The following TMEM178A variants were observed in gnomAD, a reference collection of about 807,000 sequenced individuals.
TMEM178A encodes transmembrane protein 178A.
TMEM178A carries 12 observed loss-of-function variants against 29.1 expected under a neutral mutation model. The ratio of observed to expected loss-of-function variants is 0.41; its 90% CI spans 0.26 to 0.67. The LOEUF is 0.67. TMEM178A is among the 30% of genes least tolerant of loss of function. TMEM178A has a pLI of 0.29. For missense variants in TMEM178A, 366 were observed against 419.1 expected (o/e 0.87, Z 1.11); for synonymous variants, 210 against 187.2 (o/e 1.12, Z -0.99).
At chr2:39,686,696 G>C (rs1364972894) in intron 1 of TMEM178A, among the ~76,000 whole-genome samples, 1 of 151,056 alleles carries the variant, frequency 6.6e-6, no homozygotes, top group Non-Finnish European at 1.5e-5. Flanking sequence ...ATGGGGGGGC[G>C]GAGCTGTAAA....
the TMEM178A span, among the ~76,000 whole-genome samples, chr2:39,734,934 C>T: frequency 2.0e-5 from 3 of 152,174 alleles, no homozygotes; most frequent in East Asian, 1.9e-4. Context: ...CCTACCAACA[C>T]GACTGTTACC....
chr2:39,723,224 G>T, the TMEM178A span, among the ~76,000 whole-genome samples: 2 of 152,152 alleles, frequency 1.3e-5, no homozygotes, highest in African/African-American at 4.8e-5. Flanking sequence ...CTCAGCTGTG[G>T]CTTCAGTGGG....
intron 1 of TMEM178A, among the ~76,000 whole-genome samples, chr2:39,667,889 C>A (rs780869774): frequency 6.6e-6 from 1 of 152,204 alleles, no homozygotes; most frequent in Non-Finnish European, 1.5e-5. Context: ...CATGAACAAA[C>A]TGTAAAAGCT....
chr2:39,702,063 A>G lies in TMEM178A; in HGVS notation c.401-2018A>G, dbSNP rs188243764. 3.8e-3 allele frequency among the ~76,000 whole-genome samples: 571 copies of G among 151,180 alleles called. 2 individuals are homozygous for G. The highest frequency in any genetic ancestry group is 0.013 in the African/African-American group (521 of 41,196). The stretch of plus-strand genomic sequence containing the variant: ...TTGGGATCCCTCAGTGACAGCTTCT[A>G]TTGACTGCTTTTTTTTTTCTTTTAC... On this transcript the variant is annotated intron_variant, in intron 1 of 3. Transcript: ENST00000281961.
chr2:39,667,648 G>T (rs373409523), intron 1 of TMEM178A, among the ~76,000 whole-genome samples: 12 of 152,280 alleles, frequency 7.9e-5, no homozygotes, highest in Middle Eastern at 3.4e-3. Flanking sequence ...GCTAGTTGGC[G>T]GATTCTTCAT....
chr2:39,706,155 C>G (rs1287947217), intron 2 of TMEM178A, among the ~76,000 whole-genome samples: 1 of 152,164 alleles, frequency 6.6e-6, no homozygotes, highest in East Asian at 1.9e-4. Flanking sequence ...AGTCAGCCTA[C>G]CTCTTGGTTT....
chr2:39,711,810 A>T (rs1213714890), intron 3 of TMEM178A, among the ~76,000 whole-genome samples: 2 of 152,168 alleles, frequency 1.3e-5, no homozygotes, highest in Non-Finnish European at 2.9e-5. Flanking sequence ...TTAGAAGAGT[A>T]ACACGGTGCA....
intron 1 of TMEM178A, among the ~76,000 whole-genome samples, chr2:39,669,392 C>G (rs1009888173): frequency 6.6e-6 from 1 of 152,170 alleles, no homozygotes; most frequent in Admixed American, 6.5e-5. Flanking sequence ...GGGATAGAAA[C>G]ATGCAATGTG....
chr2:39,686,767 C>A (rs1475806136), intron 1 of TMEM178A, among the ~76,000 whole-genome samples: 2 of 152,262 alleles, frequency 1.3e-5, no homozygotes, highest in African/African-American at 4.8e-5. Flanking sequence ...TAAACTCCTC[C>A]TATCCACTGA....
At chr2:39,730,622 G>A in the TMEM178A span, among the ~76,000 whole-genome samples, 115 of 152,216 alleles carry the variant, frequency 7.6e-4, no homozygotes, top group African/African-American at 2.7e-3. Flanking sequence ...GTGGTGGTGT[G>A]GTCGTTCGTT....
At chr2:39,716,488 C>T (rs1672541654) in intron 3 of TMEM178A, among the ~76,000 whole-genome samples, 1 of 152,090 alleles carries the variant, frequency 6.6e-6, no homozygotes, top group South Asian at 2.1e-4. Flanking sequence ...AAAGATTTAG[C>T]TACTTGTATG....
intron 3 of TMEM178A, among the ~76,000 whole-genome samples, chr2:39,708,655 G>A (rs1159730109): frequency 1.3e-5 from 2 of 151,832 alleles, no homozygotes; most frequent in East Asian, 3.9e-4. Context: ...CTGACCTCGT[G>A]ATCCGCCCGC....
At chr2:39,699,093 T>C (rs902225900) in intron 1 of TMEM178A, among the ~76,000 whole-genome samples, 6 of 151,806 alleles carry the variant, frequency 4.0e-5, no homozygotes, top group Non-Finnish European at 7.4e-5. Context: ...TGGCACCATC[T>C]TGGCTTACTG....
chr2:39,681,493 G>T (rs1410790496), intron 1 of TMEM178A, among the ~76,000 whole-genome samples: 1 of 152,218 alleles, frequency 6.6e-6, no homozygotes, highest in Non-Finnish European at 1.5e-5. Flanking sequence ...AACTGTACTG[G>T]ACAGTGATGG....
chr2:39,735,637 C>G, the TMEM178A span, among the ~76,000 whole-genome samples: 1 of 152,236 alleles, frequency 6.6e-6, no homozygotes, highest in Non-Finnish European at 1.5e-5. Flanking sequence ...TATCAGTCTC[C>G]ATTATCAGAG....
chr2:39,674,992 G>T (rs1670556394), intron 1 of TMEM178A, among the ~76,000 whole-genome samples: 1 of 152,144 alleles, frequency 6.6e-6, no homozygotes, highest in African/African-American at 2.4e-5. Flanking sequence ...TTGCACTCGG[G>T]CTACAGACTC....
At chr2:39,677,156 C>T (rs1323636079) in intron 1 of TMEM178A, among the ~76,000 whole-genome samples, 1 of 152,120 alleles carries the variant, frequency 6.6e-6, no homozygotes, top group Non-Finnish European at 1.5e-5. Flanking sequence ...TCACTCTCGT[C>T]CCCATTCCCC....
intron 3 of TMEM178A, among the ~76,000 whole-genome samples, chr2:39,711,434 C>T (rs1271593281): frequency 6.6e-6 from 1 of 152,118 alleles, no homozygotes; most frequent in Non-Finnish European, 1.5e-5. Flanking sequence ...AAAGCTTGGG[C>T]CTCCCTTGGT....
chr2:39,683,528 A>G (rs1171977181), intron 1 of TMEM178A, among the ~76,000 whole-genome samples: 1 of 152,160 alleles, frequency 6.6e-6, no homozygotes, highest in African/African-American at 2.4e-5. Context: ...ACAGGAGCTT[A>G]TCCCAGGCAG....
Sources: allele counts gnomAD v4.1 joint callset (sites outside exome capture counted in the v4.1 genomes callset), GRCh38; gene constraint gnomAD v4.1.1; transcripts MANE v1.5; gene names NCBI Gene and HGNC (gene_info 2026-07-23, HGNC 2026-07-21).